SAMD5: variants seen among roughly 807,000 people sequenced by gnomAD.
The protein encoded by SAMD5 is sterile alpha motif domain containing 5, also known as sterile alpha motif domain-containing protein 5.
SAMD5 carries 13 observed loss-of-function variants against 11.3 expected under a neutral mutation model. The observed-to-expected ratio is 1.15, with a 90% CI of 0.75 to 1.83. The LOEUF (loss-of-function observed/expected upper bound fraction) is 1.83. Among genes scored for constraint, SAMD5 ranks in the 40% most tolerant of loss-of-function variants. The pLI is 0.00. For missense variants in SAMD5, 255 were observed against 239.1 expected (o/e 1.07, Z -0.44); for synonymous variants, 129 against 111.3 (o/e 1.16, Z -1.00).
At chr6:147,701,792 A>T (rs1482490562) in intron 1 of SAMD5, among the ~76,000 whole-genome samples, 3 of 152,216 alleles carry the variant, frequency 2.0e-5, no homozygotes, top group Non-Finnish European at 4.4e-5. Flanking sequence ...TGCCAAACAC[A>T]AGCTGATCAT....
rs1789056586 is a variant in SAMD5 at position 147,567,273 on chromosome 6, A to C, written c.*2817A>C. The C allele has an allele frequency of 7.1e-6, 7 of 985,230 alleles. No homozygotes were observed. The highest frequency in any genetic ancestry group is 8.4e-6 in the Non-Finnish European group (7 of 829,730). 61.0% of individuals were successfully genotyped at this position (985,230 alleles called of 1,614,324 possible). On this transcript the variant is annotated 3_prime_UTR_variant, in exon 2 of 2. Coordinates refer to ENST00000367474, the MANE Select transcript of SAMD5 (RefSeq NM_001030060.3). ...TGAATTTATAGCAACAAAGGATAGT[A>C]GTTTCTCAACTGGGAGCATACGAGC...
the SAMD5 span, among the ~76,000 whole-genome samples, chr6:147,873,850 T>G: frequency 6.9e-3 from 1,049 of 152,326 alleles, 14 homozygotes; most frequent in African/African-American, 0.024. Flanking sequence ...ATTCTTTTAA[T>G]GTCCTATATA....
chr6:147,936,558 C>T, the SAMD5 span, among the ~76,000 whole-genome samples: 1 of 152,078 alleles, frequency 6.6e-6, no homozygotes, highest in South Asian at 2.1e-4. Flanking sequence ...GAGAAATTCA[C>T]CCCCGTGATC....
At chr6:147,927,373 T>C in the SAMD5 span, among the ~76,000 whole-genome samples, 1 of 152,168 alleles carries the variant, frequency 6.6e-6, no homozygotes, top group Non-Finnish European at 1.5e-5. Flanking sequence ...TGTAGAGATC[T>C]TTCACTTCTC....
chr6:147,694,278 G>A (rs1791144901), intron 1 of SAMD5, among the ~76,000 whole-genome samples: 1 of 152,184 alleles, frequency 6.6e-6, no homozygotes, highest in Non-Finnish European at 1.5e-5. Flanking sequence ...CTCTTTTTCA[G>A]TTTTGTTAGA....
At chr6:147,934,391 C>A in the SAMD5 span, among the ~76,000 whole-genome samples, 1 of 152,154 alleles carries the variant, frequency 6.6e-6, no homozygotes, top group Non-Finnish European at 1.5e-5. Flanking sequence ...TACTTGGTTC[C>A]AAGGTCTCTC....
chr6:147,530,570 C>T (rs1027101637), intron 1 of SAMD5, among the ~76,000 whole-genome samples: 1 of 152,238 alleles, frequency 6.6e-6, no homozygotes, highest in Non-Finnish European at 1.5e-5. Context: ...CCTCCTGAGC[C>T]ACAACTGGCT....
chr6:147,896,755 A>ACAAAAAACAAACAACC, the SAMD5 span, among the ~76,000 whole-genome samples: 1 of 142,424 alleles, frequency 7.0e-6, no homozygotes. Flanking sequence ...AAAAAAAAAA[A>ACAAAAAACAAACAACC]AAAAAAAACG....
the SAMD5 span, among the ~76,000 whole-genome samples, chr6:147,910,790 T>C: frequency 6.6e-6 from 1 of 152,326 alleles, no homozygotes; most frequent in East Asian, 1.9e-4. Context: ...CGCATATAAT[T>C]AATGACTAGT....
intron 1 of SAMD5, among the ~76,000 whole-genome samples, chr6:147,516,467 A>G (rs500573): frequency 0.47 from 71,344 of 151,694 alleles, 19,491 homozygotes; most frequent in African/African-American, 0.77. Context: ...ACTAGTGATT[A>G]CCACATAGGG....
At chr6:147,722,034 T>C (rs1261474431) in intron 1 of SAMD5, among the ~76,000 whole-genome samples, 2 of 152,260 alleles carry the variant, frequency 1.3e-5, no homozygotes, top group African/African-American at 4.8e-5. Flanking sequence ...CTTGGTATTA[T>C]TTCCTGTGAA....
At chr6:147,614,422 T>G (rs960045327) in intron 1 of SAMD5, among the ~76,000 whole-genome samples, 2 of 151,540 alleles carry the variant, frequency 1.3e-5, no homozygotes, top group African/African-American at 4.9e-5. Flanking sequence ...TGAGCTGAGA[T>G]TGTGCCGTTG....
intron 1 of SAMD5, among the ~76,000 whole-genome samples, chr6:147,652,334 CATATT>C (rs1457169655): frequency 1.3e-5 from 2 of 152,048 alleles, no homozygotes; most frequent in East Asian, 3.9e-4. Context: ...CTTTTGAAAC[CATATT>C]ATAAGTGTTT....
the SAMD5 span, among the ~76,000 whole-genome samples, chr6:147,802,149 C>T: frequency 6.6e-6 from 1 of 152,106 alleles, no homozygotes. Flanking sequence ...GTTTACAATA[C>T]ATGTATTTTT....
At chr6:147,689,949 A>G (rs1791077458) in intron 1 of SAMD5, among the ~76,000 whole-genome samples, 1 of 152,196 alleles carries the variant, frequency 6.6e-6, no homozygotes, top group African/African-American at 2.4e-5. Context: ...AAAATTTCAA[A>G]GAGAATTCTG....
chr6:147,816,299 AAAATATAT>A, the SAMD5 span, among the ~76,000 whole-genome samples: 1 of 82,942 alleles, frequency 1.2e-5, no homozygotes, highest in African/African-American at 7.1e-5. Context: ...AAAAAAAAAA[AAAATATAT>A]ATATATATAT....
chr6:147,926,019 G>A, the SAMD5 span, among the ~76,000 whole-genome samples: 2 of 152,124 alleles, frequency 1.3e-5, no homozygotes, highest in African/African-American at 4.8e-5. Flanking sequence ...ACATGATCTT[G>A]TTCTTTTTTA....
chr6:147,714,217 T>C (rs1791436951), intron 1 of SAMD5, among the ~76,000 whole-genome samples: 1 of 152,200 alleles, frequency 6.6e-6, no homozygotes, highest in South Asian at 2.1e-4. Flanking sequence ...GGTCTGCTTT[T>C]TTATTACTGA....
At chr6:147,898,900 G>A in the SAMD5 span, among the ~76,000 whole-genome samples, 11 of 152,098 alleles carry the variant, frequency 7.2e-5, no homozygotes, top group Non-Finnish European at 1.6e-4. Flanking sequence ...ACATGTGTTG[G>A]CCGGGCGTGG....
Sources: gnomAD v4.1 joint callset for allele counts (sites outside exome capture counted in the v4.1 genomes callset) on GRCh38, gnomAD v4.1.1 for gene constraint, MANE v1.5 for transcripts, NCBI Gene and HGNC (gene_info 2026-07-23, HGNC 2026-07-21) for gene names.